Variants in RIN2 observed in about 807,000 individuals in gnomAD.
The protein encoded by RIN2 is Ras and Rab interactor 2.
In RIN2, 36 loss-of-function variants were observed where a neutral mutation model predicts 78.0. That is an observed-to-expected ratio of 0.46 (90% CI 0.35 to 0.61). The LOEUF (loss-of-function observed/expected upper bound fraction) is 0.61, where lower values mean the gene tolerates loss of function less well. Ranked by LOEUF, RIN2 falls within the 20% of genes least tolerant of loss-of-function variation. RIN2 has a pLI of 0.00. For synonymous variants in RIN2, 466 were observed against 466.8 expected (o/e 1.00, Z 0.02); for missense variants, 1,087 against 1,159.7 (o/e 0.94, Z 0.91).
intron 4 of RIN2, among the ~76,000 whole-genome samples, chr20:19,950,932 C>G (rs1179927426): frequency 6.6e-6 from 1 of 151,400 alleles, no homozygotes; most frequent in Non-Finnish European, 1.5e-5. Context: ...CTCTGTCACC[C>G]CCGCTGAAGT....
chr20:19,789,407 T>C (rs2034815287), intron 1 of RIN2, among the ~76,000 whole-genome samples: 1 of 152,274 alleles, frequency 6.6e-6, no homozygotes, highest in Non-Finnish European at 1.5e-5. Flanking sequence ...TGCACTTTAC[T>C]GTATGTTAAT....
intron 9 of RIN2, among the ~76,000 whole-genome samples, chr20:19,979,671 A>G (rs113500743): frequency 1.1e-4 from 16 of 152,098 alleles, no homozygotes; most frequent in African/African-American, 3.6e-4. Context: ...TTCAATATCT[A>G]GTGTGACTTG....
chr20:20,000,013 G>A (rs1334627535), intron 12 of RIN2, among the ~76,000 whole-genome samples: 1 of 152,128 alleles, frequency 6.6e-6, no homozygotes, highest in Admixed American at 6.5e-5. Flanking sequence ...CCCTTGCTTA[G>A]GATTTATTTA....
intron 6 of RIN2, among the ~76,000 whole-genome samples, chr20:19,962,400 G>GA (rs1030003598): frequency 6.6e-6 from 1 of 152,084 alleles, no homozygotes; most frequent in African/African-American, 2.4e-5. Flanking sequence ...GAGCACGATG[G>GA]ATGTGTTGGT....
rs927031147 is a variant in RIN2, at chr20:19,904,016, C to T, written c.57+14358C>T. Among the ~76,000 whole-genome samples, 25 of 151,820 alleles carry T rather than the reference C, an allele frequency of 1.6e-4. 1 individual carries two copies. The highest frequency in any genetic ancestry group is 1.0e-4 in the Non-Finnish European group (7 of 67,980). ...CTGTAATCCCAGCACTTTGGGAGGCCGAGGCGGGTAGATCACTTGAGGTCA... is the reference window on the plus strand; with the variant it reads ...CTGTAATCCCAGCACTTTGGGAGGCTGAGGCGGGTAGATCACTTGAGGTCA... On this transcript the variant is annotated intron_variant, in intron 3 of 12. Coordinates refer to ENST00000255006, the MANE Select transcript of RIN2 (RefSeq NM_018993.4).
At chr20:19,847,878 C>T (rs1005486418) in intron 2 of RIN2, among the ~76,000 whole-genome samples, 9 of 152,120 alleles carry the variant, frequency 5.9e-5, no homozygotes, top group African/African-American at 2.2e-4. Flanking sequence ...AAACTTTTTT[C>T]TGTAGAGATC....
intron 9 of RIN2, among the ~76,000 whole-genome samples, chr20:19,982,127 G>A (rs939365548): frequency 6.6e-6 from 1 of 152,154 alleles, no homozygotes; most frequent in Non-Finnish European, 1.5e-5. Context: ...AAGACTAATT[G>A]ACTCTATGTC....
chr20:19,758,709 C>G (rs984080171), intron 1 of RIN2, among the ~76,000 whole-genome samples: 4 of 152,236 alleles, frequency 2.6e-5, no homozygotes, highest in South Asian at 4.2e-4. Context: ...GTGCACCGGA[C>G]GGAGTTTGGT....
chr20:19,877,310 A>G (rs1457750673), intron 2 of RIN2, among the ~76,000 whole-genome samples: 1 of 152,200 alleles, frequency 6.6e-6, no homozygotes, highest in African/African-American at 2.4e-5. Flanking sequence ...CCAGCCCCAG[A>G]GAAAGTGTGC....
intron 4 of RIN2, among the ~76,000 whole-genome samples, chr20:19,937,884 T>C (rs1344267132): frequency 6.6e-6 from 1 of 152,244 alleles, no homozygotes; most frequent in African/African-American, 2.4e-5. Context: ...GTCGTGATAC[T>C]ACTACTGTGG....
At chr20:19,831,415 A>T (rs890087857) in intron 2 of RIN2, among the ~76,000 whole-genome samples, 1 of 152,198 alleles carries the variant, frequency 6.6e-6, no homozygotes, top group African/African-American at 2.4e-5. Flanking sequence ...GGAGGTAGAG[A>T]TGGAAAAATA....
At chr20:19,934,830 G>A (rs2040569506) in intron 3 of RIN2, among the ~76,000 whole-genome samples, 1 of 151,792 alleles carries the variant, frequency 6.6e-6, no homozygotes, top group Non-Finnish European at 1.5e-5. Flanking sequence ...TTACAATACT[G>A]AAACCTAACA....
At chr20:19,868,835 C>A (rs953416232) in intron 2 of RIN2, among the ~76,000 whole-genome samples, 2 of 152,144 alleles carry the variant, frequency 1.3e-5, no homozygotes, top group African/African-American at 4.8e-5. Context: ...AATCCCAGCA[C>A]TTTGAGAGGC....
At chr20:19,993,252 T>TG (rs919810543) in intron 11 of RIN2, among the ~76,000 whole-genome samples, 3 of 150,610 alleles carry the variant, frequency 2.0e-5, no homozygotes, top group African/African-American at 7.3e-5. Context: ...AGACAAGCCC[T>TG]GGGGGGGATT....
chr20:19,999,459 C>T (rs1353672514), intron 12 of RIN2, among the ~76,000 whole-genome samples: 3 of 152,208 alleles, frequency 2.0e-5, no homozygotes, highest in Admixed American at 6.5e-5. Context: ...AGGAAACCCT[C>T]GTGGTGACCT....
chr20:19,777,909 T>C (rs1229400423), intron 1 of RIN2, among the ~76,000 whole-genome samples: 1 of 152,232 alleles, frequency 6.6e-6, no homozygotes. Context: ...TTTGGGTGTG[T>C]GATTACAATC....
At chr20:19,792,443 C>A (rs2034918691) in intron 1 of RIN2, among the ~76,000 whole-genome samples, 1 of 152,102 alleles carries the variant, frequency 6.6e-6, no homozygotes, top group Non-Finnish European at 1.5e-5. Context: ...GTGCCTGAAA[C>A]AAAATGTCAA....
chr20:19,800,578 G>A (rs2035209544), intron 2 of RIN2, among the ~76,000 whole-genome samples: 1 of 152,178 alleles, frequency 6.6e-6, no homozygotes, highest in African/African-American at 2.4e-5. Context: ...GGGAAGCCAG[G>A]CCCTGCAGAG....
At chr20:19,864,535 A>G (rs1241098905) in intron 2 of RIN2, among the ~76,000 whole-genome samples, 1 of 152,172 alleles carries the variant, frequency 6.6e-6, no homozygotes, top group African/African-American at 2.4e-5. Flanking sequence ...AGAAAAAAGG[A>G]CCAAATTATT....
Sources: allele counts gnomAD v4.1 joint callset (sites outside exome capture counted in the v4.1 genomes callset), GRCh38; gene constraint gnomAD v4.1.1; transcripts MANE v1.5; gene names NCBI Gene and HGNC (gene_info 2026-07-23, HGNC 2026-07-21).